The following B4GALNT3 variants were observed in gnomAD, a reference collection of about 807,000 sequenced individuals.
B4GALNT3 encodes beta-1,4-N-acetylgalactosaminyltransferase 3.
B4GALNT3 carries 86 observed loss-of-function variants against 120.2 expected under a neutral mutation model. The observed-to-expected ratio is 0.72, with a 90% CI of 0.60 to 0.86. The LOEUF (loss-of-function observed/expected upper bound fraction) is 0.86, where lower values mean the gene tolerates loss of function less well. Among genes scored for constraint, B4GALNT3 ranks in the 40% least tolerant of loss-of-function variants. The probability of loss-of-function intolerance (pLI) is 0.00; values close to 1 mark genes in which losing one functional copy is unlikely to be tolerated. For missense variants in B4GALNT3, 1,167 were observed against 1,298.9 expected, an observed-to-expected ratio of 0.90 and a Z score of 1.56; for synonymous variants, 518 against 510.4, an observed-to-expected ratio of 1.01 and a Z score of -0.20.
intron 1 of B4GALNT3, among the ~76,000 whole-genome samples, chr12:468,965 A>T (rs1946109671): frequency 6.6e-6 from 1 of 152,234 alleles, no homozygotes; most frequent in Non-Finnish European, 1.5e-5. Context: ...TTCCAGGCCG[A>T]CCAAAGACTT....
Position 561,413 on chromosome 12 carries a change from C to A in B4GALNT3, c.2959C>A (p.Arg987=), listed in dbSNP as rs376094504. The A allele has an allele frequency of 6.2e-7, 1 of 1,613,828 alleles. No homozygotes were observed. ...RNFFHHFHSK[R]GMWSRRQMKT... is the part of the protein sequence containing the mutation. ...TTTCTTCCATCATTTCCATTCCAAG[C>A]GAGGCATGTGGAGCCGTCGCCAGAT... The change falls in exon 20 of 20, where the codon CGA becomes AGA. Residue 987 remains arginine, a synonymous_variant. Transcript: ENST00000266383.
chr12:497,392 C>T (rs1458838811), intron 1 of B4GALNT3, among the ~76,000 whole-genome samples: 1 of 152,222 alleles, frequency 6.6e-6, no homozygotes, highest in Non-Finnish European at 1.5e-5. Context: ...AACCGCCCGC[C>T]TCGGCCTCCC....
Position 556,841 on chromosome 12 carries a change from A to G in B4GALNT3, c.2355A>G (p.Arg785=). Residue 785 remains arginine, a synonymous_variant, in exon 15 of 20, where the codon CGA becomes CGG. Transcript: ENST00000266383. The stretch of plus-strand genomic sequence containing the variant: ...CTCAGGGTTTCTCCTGGAGTCACCG[A>G]GCCGTGGTCCACTTCGTCGTGCCTG... ...CWPQGFSWSH[R]AVVHFVVPVK... 1 of 1,606,652 alleles carries G rather than the reference A, an allele frequency of 6.2e-7. No individual in the cohort carries two copies. Among genetic ancestry groups the G allele is most frequent in the Non-Finnish European group, 8.5e-7 (1 of 1,174,078 alleles).
intron 1 of B4GALNT3, among the ~76,000 whole-genome samples, chr12:530,244 A>G (rs1370740290): frequency 6.6e-6 from 1 of 152,288 alleles, no homozygotes; most frequent in Non-Finnish European, 1.5e-5. Flanking sequence ...GTCGTGAGCC[A>G]TGGCCCTGGC....
chr12:472,594 C>T (rs148972335), intron 1 of B4GALNT3, among the ~76,000 whole-genome samples: 60 of 152,298 alleles, frequency 3.9e-4, no homozygotes, highest in African/African-American at 1.3e-3. Context: ...CCCGCCACCA[C>T]GCCTGGCTAA....
chr12:505,649 A>G lies in B4GALNT3; in HGVS notation c.170-29517A>G, dbSNP rs186160675. ...TCCATTTTCAGAATGTTCCCACTGC[A>G]TGAAGTATTGTCTCCCTGCCACACT... On this transcript the variant is annotated intron_variant, in intron 1 of 19. Transcript: ENST00000266383. Among the ~76,000 whole-genome samples the G allele has an allele frequency of 3.3e-3, 508 of 152,316 alleles. 3 individuals carry two copies. The highest frequency in any genetic ancestry group is 0.012 in the African/African-American group (493 of 41,586).
intron 14 of B4GALNT3, among the ~76,000 whole-genome samples, chr12:555,815 C>G (rs1032733138): frequency 1.3e-5 from 2 of 151,108 alleles, no homozygotes; most frequent in African/African-American, 2.4e-5. Flanking sequence ...GACGGAGTCT[C>G]GCTCTGTCGC....
intron 3 of B4GALNT3, among the ~76,000 whole-genome samples, chr12:543,447 G>A (rs1309813906): frequency 7.6e-6 from 1 of 131,206 alleles, no homozygotes; most frequent in Non-Finnish European, 1.6e-5. Context: ...GAGGAGCTGG[G>A]GCGGGCATGG....
chr12:469,818 T>A (rs4980919), intron 1 of B4GALNT3, among the ~76,000 whole-genome samples: 135,607 of 152,118 alleles, frequency 0.89, 61,609 homozygotes, highest in East Asian at 1. Flanking sequence ...TATTTATTTT[T>A]AAAAAATTTT....
At chr12:518,269 C>T (rs1374539076) in intron 1 of B4GALNT3, among the ~76,000 whole-genome samples, 2 of 152,184 alleles carry the variant, frequency 1.3e-5, no homozygotes, top group Admixed American at 1.3e-4. Flanking sequence ...CCACTCAGAG[C>T]CAAACAAGGC....
intron 1 of B4GALNT3, among the ~76,000 whole-genome samples, chr12:484,137 T>C (rs961191704): frequency 6.6e-6 from 1 of 152,212 alleles, no homozygotes; most frequent in Non-Finnish European, 1.5e-5. Context: ...CCTTCTCTAA[T>C]CGTTCCTTGA....
chr12:462,842 G>A (rs1946035085), intron 1 of B4GALNT3, among the ~76,000 whole-genome samples: 1 of 152,110 alleles, frequency 6.6e-6, no homozygotes, highest in Non-Finnish European at 1.5e-5. Context: ...CAGACATCTT[G>A]CATCAAAGTT....
chr12:553,830 A>G lies in B4GALNT3; in HGVS notation c.1907A>G (p.Gln636Arg), dbSNP rs1947113198. The change falls in exon 14 of 20, where the codon CAG (glutamine) becomes CGG (arginine). Residue 636 changes from glutamine to arginine, a missense_variant. Physicochemically the swap from Gln to Arg is conservative, Grantham distance 43. Coordinates refer to ENST00000266383, the MANE Select transcript of B4GALNT3 (RefSeq NM_173593.4). ...TTTGACCCGGTAGTAAACTGGGACC[A>G]GACCTTCAGTGCCCGGAATCTCGAC... ...PVFDPVVNWDQTFSARNLDFQ... is the reference protein window; with the variant it reads ...PVFDPVVNWDRTFSARNLDFQ... 6.2e-7 allele frequency: 1 copy of G among 1,614,152 alleles called. No homozygotes were observed. Among genetic ancestry groups the G allele is most frequent in the African/African-American group, 1.3e-5 (1 of 74,954 alleles).
rs1461069331 is a variant in B4GALNT3, at chr12:554,758, C to CCG, written c.2060+776_2060+777insGC. ...TGAGCTGAGATTGCGCCACTGCACTCCAGCCTGGGCGACAGAGCAAGACTC... is the reference window on the plus strand; with the variant it reads ...TGAGCTGAGATTGCGCCACTGCACTCCGCAGCCTGGGCGACAGAGCAAGACTC... On this transcript the variant is annotated intron_variant, in intron 14 of 19. Transcript: ENST00000266383. Among the ~76,000 whole-genome samples, 319 of 119,638 alleles carry CCG rather than the reference C, an allele frequency of 2.7e-3. 1 individual carries two copies. Among genetic ancestry groups the CCG allele is most frequent in the Admixed American group, 6.0e-3 (57 of 9,478 alleles). 78.5% of individuals were successfully genotyped at this position (119,638 alleles called of 152,430 possible).
chr12:560,922 C>G (rs775533053), intron 19 of B4GALNT3, among the ~76,000 whole-genome samples: 1 of 151,836 alleles, frequency 6.6e-6, no homozygotes, highest in Non-Finnish European at 1.5e-5. Flanking sequence ...TGCCTTCCTC[C>G]GTCTATGACG....
intron 1 of B4GALNT3, among the ~76,000 whole-genome samples, chr12:468,293 GC>G (rs1378258509): frequency 1.3e-5 from 2 of 152,188 alleles, no homozygotes; most frequent in African/African-American, 4.8e-5. Context: ...ATTCCAGGAT[GC>G]CTTAGACAAA....
chr12:512,282 A>C (rs1200286347), intron 1 of B4GALNT3, among the ~76,000 whole-genome samples: 3 of 58,862 alleles, frequency 5.1e-5, no homozygotes, highest in Admixed American at 2.5e-4. Flanking sequence ...TCCACCTTCC[A>C]CCTTCCACCT....
chr12:462,311 T>G (rs1430580536), intron 1 of B4GALNT3, among the ~76,000 whole-genome samples: 1 of 151,536 alleles, frequency 6.6e-6, no homozygotes, highest in Non-Finnish European at 1.5e-5. Context: ...AGTTGCTTTG[T>G]GACCTTGGAA....
intron 1 of B4GALNT3, among the ~76,000 whole-genome samples, chr12:472,727 G>T (rs987478743): frequency 6.6e-6 from 1 of 151,748 alleles, no homozygotes; most frequent in Non-Finnish European, 1.5e-5. Flanking sequence ...GTGAGCCACC[G>T]CGCCCGACCT....
Sources: gnomAD v4.1 joint callset for allele counts (sites outside exome capture counted in the v4.1 genomes callset) on GRCh38, gnomAD v4.1.1 for gene constraint, MANE v1.5 for transcripts, NCBI Gene and HGNC (gene_info 2026-07-23, HGNC 2026-07-21) for gene names.